PTPRM: variants seen among roughly 807,000 people sequenced by gnomAD.
PTPRM encodes receptor-type tyrosine-protein phosphatase mu.
Under a neutral mutation model 186.7 loss-of-function variants are expected in PTPRM, and 47 were observed. The ratio of observed to expected loss-of-function variants is 0.25; its 90% CI spans 0.20 to 0.32. The LOEUF (loss-of-function observed/expected upper bound fraction) is 0.32, where lower values mean the gene tolerates loss of function less well. Ranked by LOEUF, PTPRM falls within the 10% of genes least tolerant of loss-of-function variation. PTPRM has a pLI of 1.00. For synonymous variants in PTPRM, 668 were observed against 674.9 expected (o/e 0.99, Z 0.16); for missense variants, 1,494 against 1,865.0 (o/e 0.80, Z 3.66).
At chr18:7,600,710 G>A (rs1201976669) in intron 1 of PTPRM, among the ~76,000 whole-genome samples, 1 of 152,198 alleles carries the variant, frequency 6.6e-6, no homozygotes, top group Non-Finnish European at 1.5e-5. Flanking sequence ...CTGCAGGAGG[G>A]AGTAACCTGC....
intron 19 of PTPRM, among the ~76,000 whole-genome samples, chr18:8,255,763 C>T (rs957928083): frequency 1.3e-5 from 2 of 152,166 alleles, no homozygotes; most frequent in African/African-American, 4.8e-5. Context: ...AGTACCGTGC[C>T]CCTTGTGCTG....
chr18:8,053,769 C>T (rs1200081967), intron 7 of PTPRM, among the ~76,000 whole-genome samples: 1 of 152,096 alleles, frequency 6.6e-6, no homozygotes, highest in Non-Finnish European at 1.5e-5. Context: ...ATTGAGTCTG[C>T]CCATTCATAA....
chr18:7,574,741 AG>A (rs2036643850), intron 1 of PTPRM, among the ~76,000 whole-genome samples: 1 of 152,186 alleles, frequency 6.6e-6, no homozygotes, highest in Non-Finnish European at 1.5e-5. Context: ...AAGAAAATAA[AG>A]GTTTTTCGGC....
At position 8,376,486 on chromosome 18, in the gene PTPRM, T is replaced by C; in HGVS notation, c.3351T>C (p.Cys1117=). The change falls in exon 26 of 33, where the codon TGT becomes TGC. Residue 1117 remains cysteine (C), a synonymous_variant. Transcript: ENST00000580170. ...HCSAGAGRTG[C]FIVIDIMLDM... Reference sequence around the variant, plus strand: ...GTGCTGGTGCAGGGAGGACTGGCTGTTTCATCGTCATTGATATCATGTTGG... The same window carrying C: ...GTGCTGGTGCAGGGAGGACTGGCTGCTTCATCGTCATTGATATCATGTTGG... 1 of 1,614,038 alleles carries C rather than the reference T, an allele frequency of 6.2e-7. No homozygotes were observed. The highest frequency in any genetic ancestry group is 8.5e-7 in the Non-Finnish European group (1 of 1,179,992).
At chr18:8,115,178 G>T (rs559498027) in intron 13 of PTPRM, among the ~76,000 whole-genome samples, 2 of 152,194 alleles carry the variant, frequency 1.3e-5, no homozygotes, top group South Asian at 4.2e-4. Flanking sequence ...CACATCTAGT[G>T]AATCTTCATA....
chr18:7,728,109 T>C (rs1378272490), intron 1 of PTPRM, among the ~76,000 whole-genome samples: 1 of 152,242 alleles, frequency 6.6e-6, no homozygotes, highest in Admixed American at 6.5e-5. Flanking sequence ...ATTTTTGTGC[T>C]GTAATAGGAA....
intron 1 of PTPRM, among the ~76,000 whole-genome samples, chr18:7,612,183 G>A (rs1159635072): frequency 1.3e-5 from 2 of 152,106 alleles, no homozygotes; most frequent in African/African-American, 2.4e-5. Context: ...TGCTCTGTGT[G>A]TGTGTGTGTG....
intron 2 of PTPRM, among the ~76,000 whole-genome samples, chr18:7,795,789 G>A (rs866156182): frequency 5.4e-5 from 8 of 147,318 alleles, no homozygotes; most frequent in South Asian, 2.2e-4. Context: ...TATTTTTATC[G>A]CATTTTTTCT....
intron 32 of PTPRM, among the ~76,000 whole-genome samples, chr18:8,405,348 G>A (rs2095899370): frequency 6.6e-6 from 1 of 152,044 alleles, no homozygotes; most frequent in Non-Finnish European, 1.5e-5. Context: ...ATCCAAACTA[G>A]GGCACTTTGA....
chr18:7,866,271 G>A (rs1183465902), intron 2 of PTPRM, among the ~76,000 whole-genome samples: 1 of 151,954 alleles, frequency 6.6e-6, no homozygotes, highest in Non-Finnish European at 1.5e-5. Flanking sequence ...TCTTTTAATT[G>A]TGACGTTAGA....
chr18:8,318,007 A>G (rs188783607), intron 21 of PTPRM, among the ~76,000 whole-genome samples: 1 of 152,334 alleles, frequency 6.6e-6, no homozygotes, highest in East Asian at 1.9e-4. Context: ...TCAATTGTAT[A>G]AAAGAATGTG....
intron 1 of PTPRM, among the ~76,000 whole-genome samples, chr18:7,772,371 CTTTCTTTCTTTCTTTCTTTCTT>C (rs2042339166): frequency 1.9e-5 from 2 of 107,958 alleles, no homozygotes; most frequent in African/African-American, 7.1e-5. Context: ...TTCTTTCTTT[CTTTCTTTCTTTCTTTCTTTCTT>C]TCTTTCTTTC....
rs148188272 is a variant in PTPRM at position 7,669,680 on chromosome 18, G to A, written c.73+101789G>A. On this transcript the variant is annotated intron_variant, in intron 1 of 32. Transcript: ENST00000580170. The stretch of plus-strand genomic sequence containing the variant: ...GCTTTGCCGTTCCCTCCCCATGCAA[G>A]GCACATGTGGTGAGAGGGTTAGGGA... 4.0e-3 allele frequency among the ~76,000 whole-genome samples: 607 copies of A among 152,256 alleles called. 5 individuals are homozygous for A. The highest frequency in any genetic ancestry group is 0.014 in the African/African-American group (584 of 41,536).
At chr18:7,703,571 G>T (rs193139424) in intron 1 of PTPRM, among the ~76,000 whole-genome samples, 31 of 152,208 alleles carry the variant, frequency 2.0e-4, no homozygotes, top group Admixed American at 1.2e-3. Context: ...GGAGATTTTG[G>T]GTTGAGATGA....
At chr18:7,742,213 A>T (rs923834935) in intron 1 of PTPRM, among the ~76,000 whole-genome samples, 1 of 152,240 alleles carries the variant, frequency 6.6e-6, no homozygotes, top group Admixed American at 6.5e-5. Flanking sequence ...ATACAGTTAA[A>T]GTCAAATTAT....
At chr18:8,021,338 AC>A (rs2085214423) in intron 7 of PTPRM, among the ~76,000 whole-genome samples, 1 of 150,662 alleles carries the variant, frequency 6.6e-6, no homozygotes, top group Admixed American at 6.6e-5. Flanking sequence ...ACACACACAC[AC>A]ACACACACAC....
At chr18:7,639,287 G>A (rs1344609155) in intron 1 of PTPRM, among the ~76,000 whole-genome samples, 5 of 152,078 alleles carry the variant, frequency 3.3e-5, no homozygotes, top group East Asian at 1.9e-4. Flanking sequence ...AGCCAGAATC[G>A]TCTCGATCTC....
chr18:7,570,125 C>CA (rs1334928824), intron 1 of PTPRM, among the ~76,000 whole-genome samples: 4 of 149,886 alleles, frequency 2.7e-5, no homozygotes, highest in South Asian at 2.1e-4. Context: ...GAATCCGTCT[C>CA]AAAAAAAAAG....
intron 7 of PTPRM, among the ~76,000 whole-genome samples, chr18:7,964,942 C>A (rs952927667): frequency 2.0e-5 from 3 of 151,588 alleles, no homozygotes; most frequent in African/African-American, 7.3e-5. Flanking sequence ...CACTGTTATG[C>A]TGTGGTTGTG....
Sources: allele counts gnomAD v4.1 joint callset (sites outside exome capture counted in the v4.1 genomes callset), GRCh38; gene constraint gnomAD v4.1.1; transcripts MANE v1.5; gene names NCBI Gene and HGNC (gene_info 2026-07-23, HGNC 2026-07-21).